TSGA10: variants seen among roughly 807,000 people sequenced by gnomAD.
TSGA10 encodes the protein testis-specific gene 10 protein.
Under a neutral mutation model 96.6 loss-of-function variants are expected in TSGA10, and 43 were observed. That is an observed-to-expected ratio of 0.44 (90% CI 0.35 to 0.57). The LOEUF (loss-of-function observed/expected upper bound fraction) is 0.57. Among genes scored for constraint, TSGA10 ranks in the 20% least tolerant of loss-of-function variants. The probability of loss-of-function intolerance (pLI) is 0.01; values close to 1 mark genes in which losing one functional copy is unlikely to be tolerated. For missense variants in TSGA10, 703 were observed against 834.4 expected (o/e 0.84, Z 1.94); for synonymous variants, 229 against 269.9 (o/e 0.85, Z 1.48).
At chr2:99,001,390 C>A (rs573735205) in intron 20 of TSGA10, among the ~76,000 whole-genome samples, 47 of 152,246 alleles carry the variant, frequency 3.1e-4, no homozygotes, top group African/African-American at 1.1e-3. Flanking sequence ...AGCTGAGGGT[C>A]CTGACTGTTA....
In TSGA10 at chr2:99,103,841, C is replaced by T. The variant is rs539086954; in HGVS notation, c.611+126G>A. On this transcript the variant is annotated intron_variant, in intron 10 of 20. Coordinates refer to ENST00000393483, the MANE Select transcript of TSGA10 (RefSeq NM_025244.4). ...GTTCACTGTGTGCCAAGGGTTCCTACAACTGCTTTTCAATAATCCTCTCAG... is the reference window on the plus strand; with the variant it reads ...GTTCACTGTGTGCCAAGGGTTCCTATAACTGCTTTTCAATAATCCTCTCAG... The T allele has an allele frequency of 3.3e-5, 39 of 1,170,622 alleles. No homozygotes were observed. In the East Asian group the frequency reaches 3.7e-4, roughly 11 times the overall value. 72.5% of individuals were successfully genotyped at this position (1,170,622 alleles called of 1,614,324 possible). A position where few individuals can be genotyped will look rare whatever the true frequency, so the allele number is the denominator to read the frequency against.
chr2:99,095,349 T>G (rs2089917707), intron 10 of TSGA10, among the ~76,000 whole-genome samples: 1 of 151,994 alleles, frequency 6.6e-6, no homozygotes, highest in African/African-American at 2.4e-5. Context: ...CACTGAAGAA[T>G]GTACTCATGT....
chr2:98,998,860 A>G (rs1002839977), intron 20 of TSGA10, among the ~76,000 whole-genome samples: 8 of 152,076 alleles, frequency 5.3e-5, no homozygotes, highest in Non-Finnish European at 8.8e-5. Flanking sequence ...GTATTTTTGC[A>G]ACTACTTGTG....
At chr2:99,081,651 C>T (rs2087526917) in intron 10 of TSGA10, among the ~76,000 whole-genome samples, 1 of 152,102 alleles carries the variant, frequency 6.6e-6, no homozygotes, top group Non-Finnish European at 1.5e-5. Context: ...CCCCTAATGC[C>T]AAATCAGAGC....
intron 12 of TSGA10, among the ~76,000 whole-genome samples, chr2:99,073,542 AT>A (rs2086231440): frequency 6.6e-6 from 1 of 152,182 alleles, no homozygotes; most frequent in Non-Finnish European, 1.5e-5. Flanking sequence ...GATTAAGTGT[AT>A]TATTTATATT....
chr2:99,018,193 G>C lies in TSGA10; in HGVS notation c.2072+7C>G. 1 of 1,613,534 alleles carries C rather than the reference G, an allele frequency of 6.2e-7. No individual in the cohort carries two copies. Among genetic ancestry groups the C allele is most frequent in the Non-Finnish European group, 8.5e-7 (1 of 1,179,906 alleles). On this transcript the variant is annotated splice_region_variant and intron_variant, in intron 20 of 20. Transcript: ENST00000393483. Reference sequence around the variant, plus strand: ...TCTCAAGAGAATGGATCCTTAAATAGACTCACTCTTCTAATGATCGATCTA... The same window carrying C: ...TCTCAAGAGAATGGATCCTTAAATACACTCACTCTTCTAATGATCGATCTA...
chr2:99,004,965 C>T (rs1004890946), intron 20 of TSGA10, among the ~76,000 whole-genome samples: 2 of 152,200 alleles, frequency 1.3e-5, no homozygotes, highest in South Asian at 2.1e-4. Context: ...GGCTTCATCC[C>T]TGGGATGCAA....
At chr2:99,086,459 CTCA>C (rs1439433810) in intron 10 of TSGA10, among the ~76,000 whole-genome samples, 3 of 152,194 alleles carry the variant, frequency 2.0e-5, no homozygotes, top group Admixed American at 1.3e-4. Flanking sequence ...TCAATAATAA[CTCA>C]TCATATTAAC....
rs2091572254 is a variant in TSGA10, at chr2:99,108,855, T to C, written c.188A>G (p.Lys63Arg). 1 of 1,580,106 alleles carries C rather than the reference T, an allele frequency of 6.3e-7. No individual in the cohort carries two copies. Among genetic ancestry groups the C allele is most frequent in the Non-Finnish European group, 8.5e-7 (1 of 1,170,096 alleles). Residue 63 changes from lysine (K) to arginine (R), a missense_variant, in exon 7 of 21, where the codon AAG (lysine) becomes AGG (arginine). Transcript: ENST00000393483. ...NVKVLKSERD[K>R]IFLLYEQAQE... is the part of the protein sequence containing the mutation. ...TACCTGTTCATAAAGAAGGAAGATC[T>C]TGTCTCTCTCAGATTTAAGAACCTT... is the stretch of plus-strand genomic sequence containing the variant.
chr2:99,122,175 T>C lies in TSGA10; in HGVS notation c.-491-3489A>G, dbSNP rs1351868548. Among the ~76,000 whole-genome samples the C allele has an allele frequency of 4.6e-5, 7 of 152,364 alleles. 1 individual carries two copies. The highest frequency in any genetic ancestry group is 3.4e-3 in the Middle Eastern group (1 of 294). On this transcript the variant is annotated intron_variant, in intron 2 of 20. Transcript: ENST00000393483. ...GTCTTGATTACTGTAGTTATAAGTGTTGAAATCATGAAGAGTTTTGTTTTT... is the reference window on the plus strand; with the variant it reads ...GTCTTGATTACTGTAGTTATAAGTGCTGAAATCATGAAGAGTTTTGTTTTT...
chr2:99,071,611 G>A (rs2085971667), intron 14 of TSGA10, 95 bp downstream of exon 14: 3 of 1,213,850 alleles, frequency 2.5e-6, no homozygotes, highest in South Asian at 3.1e-5. Flanking sequence ...TAGTTCCAGT[G>A]TCTGAGCTCT....
chr2:99,000,906 C>T (rs2077838682), intron 20 of TSGA10, among the ~76,000 whole-genome samples: 1 of 152,152 alleles, frequency 6.6e-6, no homozygotes, highest in Non-Finnish European at 1.5e-5. Context: ...TGCGAGGTGG[C>T]AGCAAGGCTG....
At chr2:99,013,491 C>G (rs1191224832) in intron 20 of TSGA10, among the ~76,000 whole-genome samples, 1 of 151,778 alleles carries the variant, frequency 6.6e-6, no homozygotes, top group Non-Finnish European at 1.5e-5. Context: ...TGCCACCACG[C>G]CCGGCTAATT....
At chr2:99,136,517 G>GACTTCTACTTCTT (rs2093331901) in intron 1 of TSGA10, among the ~76,000 whole-genome samples, 1 of 108,068 alleles carries the variant, frequency 9.3e-6, no homozygotes, top group African/African-American at 2.9e-5. Flanking sequence ...AAGTATTTCT[G>GACTTCTACTTCTT]CCGGGCGCGG....
chr2:99,122,897 C>G (rs754019167), intron 2 of TSGA10, among the ~76,000 whole-genome samples: 1 of 152,054 alleles, frequency 6.6e-6, no homozygotes, highest in African/African-American at 2.4e-5. Context: ...TTTATCACTT[C>G]CTTTCTGGTT....
At chr2:99,122,155 G>T (rs1365309378) in intron 2 of TSGA10, among the ~76,000 whole-genome samples, 1 of 152,140 alleles carries the variant, frequency 6.6e-6, no homozygotes, top group East Asian at 1.9e-4. Flanking sequence ...TCACAGTCTT[G>T]ATTACTGTAG....
chr2:99,007,273 C>G (rs985606211), intron 20 of TSGA10, among the ~76,000 whole-genome samples: 1 of 151,872 alleles, frequency 6.6e-6, no homozygotes, highest in Admixed American at 6.6e-5. Context: ...CACATGCACC[C>G]TAGATCTTAA....
At chr2:99,095,602 G>A (rs2089950532) in intron 10 of TSGA10, among the ~76,000 whole-genome samples, 1 of 151,980 alleles carries the variant, frequency 6.6e-6, no homozygotes, top group Non-Finnish European at 1.5e-5. Context: ...ATACAAATAA[G>A]CTCAATTAGA....
Position 99,041,698 on chromosome 2 carries a change from T to G in TSGA10, c.1405-6259A>C, listed in dbSNP as rs542460720. On this transcript the variant is annotated intron_variant, in intron 16 of 20. Transcript: ENST00000393483. ...AAATCAACTCAAAATGATCAAAGAC[T>G]TAAATCTAAGACCTAAAACCATAAA... Among the ~76,000 whole-genome samples, 10 of 152,270 alleles carry G rather than the reference T, an allele frequency of 6.6e-5. No homozygotes were observed. In the South Asian group the frequency reaches 2.1e-3, roughly 32 times the overall value.
Sources: allele counts gnomAD v4.1 joint callset (sites outside exome capture counted in the v4.1 genomes callset), GRCh38; gene constraint gnomAD v4.1.1; transcripts MANE v1.5; gene names NCBI Gene and HGNC (gene_info 2026-07-23, HGNC 2026-07-21).